DDIAS: variants seen among roughly 807,000 people sequenced by gnomAD.
DDIAS encodes the protein DNA damage-induced apoptosis suppressor protein.
DDIAS carries 14 observed loss-of-function variants against 15.7 expected under a neutral mutation model. The observed-to-expected ratio is 0.89, with a 90% CI of 0.59 to 1.39. The LOEUF is 1.39. Ranked by LOEUF, DDIAS falls within the 40% of genes most tolerant of loss-of-function variation. The pLI, the probability that DDIAS is intolerant of heterozygous loss-of-function variation, is 0.00. For synonymous variants in DDIAS, 355 were observed against 395.9 expected (o/e 0.90, Z 1.23); for missense variants, 1,035 against 1,130.9 (o/e 0.92, Z 1.22).
At position 82,932,953 on chromosome 11, in the gene DDIAS, C is replaced by G. The variant is rs1243922810; in HGVS notation, c.1615C>G (p.Leu539Val). 3 of 1,612,128 alleles carry G rather than the reference C, an allele frequency of 1.9e-6. No individual in the cohort carries two copies. The highest frequency in any genetic ancestry group is 2.5e-6 in the Non-Finnish European group (3 of 1,179,280). The change falls in exon 6 of 6, where the codon CTG (leucine) becomes GTG (valine). Residue 539 changes from leucine (L) to valine (V), a missense_variant. Coordinates refer to ENST00000533655, the MANE Select transcript of DDIAS (RefSeq NM_145018.4). ...MSEYFLPNPYLSALSSSSKDL... is the reference protein window; with the variant it reads ...MSEYFLPNPYVSALSSSSKDL... ...AGAATATTTTTTACCGAATCCTTACCTGTCAGCTCTGTCTTCATCTTCAAA... is the reference window on the plus strand; with the variant it reads ...AGAATATTTTTTACCGAATCCTTACGTGTCAGCTCTGTCTTCATCTTCAAA...
chr11:82,930,411 C>G, intron 5 of DDIAS, 137 bp downstream of exon 5: 5 of 602,954 alleles, frequency 8.3e-6, no homozygotes, highest in Non-Finnish European at 1.1e-5. Context: ...GTAAAAATAG[C>G]CTATAGGTGG....
At chr11:82,928,637 G>C in intron 3 of DDIAS, 140 bp from the exon 4 acceptor site, 3 of 818,642 alleles carry the variant, frequency 3.7e-6, no homozygotes, top group Non-Finnish European at 5.6e-6. Context: ...AAGTTGATCT[G>C]AAAGAGTTTA....
Position 82,914,728 on chromosome 11 carries a change from G to A in DDIAS, c.-11G>A, listed in dbSNP as rs764873036. 1.6e-5 allele frequency: 24 copies of A among 1,521,280 alleles called. No individual in the cohort carries two copies. The highest frequency in any genetic ancestry group is 6.8e-5 in the Admixed American group (4 of 59,236). The allele number at this position is 1,521,280 out of a possible 1,614,324, so 94.2% of individuals were successfully genotyped here. A position where few individuals can be genotyped will look rare whatever the true frequency, so the allele number is the denominator to read the frequency against. On this transcript the variant is annotated 5_prime_UTR_variant, in exon 3 of 6. Transcript: ENST00000533655. The stretch of plus-strand genomic sequence containing the variant: ...ATGGCTATTTTGTTTTGCAGACCAC[G>A]GTGTGAACACATGAACAGAAGACGA...
rs1861010536 is a variant in DDIAS at position 82,932,320 on chromosome 11, A to G, written c.982A>G (p.Ser328Gly). The change falls in exon 6 of 6, where the codon AGT becomes GGT. Residue 328 changes from serine (S) to glycine (G), a missense_variant. Physicochemically the swap from Ser to Gly is moderately conservative, Grantham distance 56. Coordinates refer to ENST00000533655, the MANE Select transcript of DDIAS (RefSeq NM_145018.4). ...QAKELSAVHS[S>G]HHEIGVNDSN... is the part of the protein sequence containing the mutation. ...TAAGGAGCTGAGTGCAGTTCACAGC[A>G]GTCATCATGAAATTGGAGTTAATGA... 1 of 1,614,022 alleles carries G rather than the reference A, an allele frequency of 6.2e-7. No individual in the cohort carries two copies. Among genetic ancestry groups the G allele is most frequent in the Admixed American group, 1.7e-5 (1 of 60,014 alleles).
At chr11:82,910,823 C>A (rs1448366343) in intron 1 of DDIAS, among the ~76,000 whole-genome samples, 2 of 151,666 alleles carry the variant, frequency 1.3e-5, no homozygotes, top group Non-Finnish European at 2.9e-5. Context: ...CACCGTGTTG[C>A]CCAGGCTGAA....
Position 82,934,401 on chromosome 11 carries a change from G to A in DDIAS, c.*66G>A, listed in dbSNP as rs917207279. 6 of 1,442,430 alleles carry A rather than the reference G, an allele frequency of 4.2e-6. No homozygotes were observed. The South Asian group carries it at 4.3e-5, about 10-fold the overall frequency. 89.4% of individuals were successfully genotyped at this position (1,442,430 alleles called of 1,614,324 possible). On this transcript the variant is annotated 3_prime_UTR_variant, in exon 6 of 6. Transcript: ENST00000533655. ...TGGAAATGTTTGCCTTCAGGGGTACGGAAAGCATTCTTTACATTTTGAACA... is the reference window on the plus strand; with the variant it reads ...TGGAAATGTTTGCCTTCAGGGGTACAGAAAGCATTCTTTACATTTTGAACA...
intron 1 of DDIAS, among the ~76,000 whole-genome samples, chr11:82,907,629 T>G (rs1461070450): frequency 6.6e-6 from 1 of 152,178 alleles, no homozygotes; most frequent in African/African-American, 2.4e-5. Context: ...AGCCTCAATC[T>G]CCCAGACTCA....
At chr11:82,902,738 C>CT (rs1860346938) in intron 1 of DDIAS, among the ~76,000 whole-genome samples, 1 of 152,188 alleles carries the variant, frequency 6.6e-6, no homozygotes, top group South Asian at 2.1e-4. Flanking sequence ...TTTGCAAAGC[C>CT]TTTTAAATCA....
chr11:82,919,545 C>T (rs115840396), intron 3 of DDIAS, among the ~76,000 whole-genome samples: 2,874 of 152,238 alleles, frequency 0.019, 86 homozygotes, highest in African/African-American at 0.065. Flanking sequence ...TCAAGGATAT[C>T]GGGCAGTAGT....
chr11:82,907,894 C>T (rs920208245), intron 1 of DDIAS, among the ~76,000 whole-genome samples: 3 of 152,162 alleles, frequency 2.0e-5, no homozygotes, highest in African/African-American at 7.2e-5. Context: ...CTGTTCTAAG[C>T]ACTGGGGTTA....
intron 3 of DDIAS, among the ~76,000 whole-genome samples, chr11:82,919,551 G>A (rs1440931986): frequency 6.6e-6 from 1 of 152,222 alleles, no homozygotes. Context: ...ATATCGGGCA[G>A]TAGTTTTCTT....
chr11:82,932,239 T>C lies in DDIAS; in HGVS notation c.901T>C (p.Tyr301His), dbSNP rs746929635. ...TCAGGATTCATGGAGCCTTGTTTCA[T>C]ATATGGATAAAAAGAGTACAGCAGA... ...PIQDSWSLVS[Y>H]MDKKSTAEKL... The change falls in exon 6 of 6, where the codon TAT becomes CAT. Residue 301 changes from tyrosine to histidine, a missense_variant. By Grantham distance (83) the Tyr-to-His change is moderately conservative. Transcript: ENST00000533655. 1.9e-6 allele frequency: 3 copies of C among 1,613,744 alleles called. No homozygotes were observed. Among genetic ancestry groups the C allele is most frequent in the South Asian group, 2.2e-5 (2 of 91,008 alleles).
At position 82,916,118 on chromosome 11, in the gene DDIAS, C is replaced by T. The variant is rs543776998; in HGVS notation, c.113+1267C>T. On this transcript the variant is annotated intron_variant, in intron 3 of 5. Coordinates refer to ENST00000533655, the MANE Select transcript of DDIAS (RefSeq NM_145018.4). The stretch of plus-strand genomic sequence containing the variant: ...AGAGTTTCATGTAGGCTCTGGCTCT[C>T]ATTAACTATGTGACCTAGGGCAAGA... Among the ~76,000 whole-genome samples, 10 of 152,242 alleles carry T rather than the reference C, an allele frequency of 6.6e-5. No homozygotes were observed. In the South Asian group the frequency reaches 2.1e-3, roughly 32 times the overall value.
chr11:82,914,693 AG>A, intron 2 of DDIAS, 29 bp from the exon 3 acceptor site: 1 of 1,160,482 alleles, frequency 8.6e-7, no homozygotes, highest in South Asian at 1.3e-5. Flanking sequence ...AAGATTTGCC[AG>A]TCATCCCAAT....
chr11:82,932,934 T>C lies in DDIAS; in HGVS notation c.1596T>C (p.Tyr532=), dbSNP rs1296198824. 3 of 1,611,764 alleles carry C rather than the reference T, an allele frequency of 1.9e-6. No individual in the cohort carries two copies. The East Asian group carries it at 6.7e-5, about 36-fold the overall frequency. The change falls in exon 6 of 6, where the codon TAT becomes TAC. Residue 532 remains tyrosine (Y), a synonymous_variant. Coordinates refer to ENST00000533655, the MANE Select transcript of DDIAS (RefSeq NM_145018.4). The part of the protein sequence containing the change: ...VNHNGRDMSE[Y]FLPNPYLSAL... ...ATAATGGAAGAGATATGTCAGAATA[T>C]TTTTTACCGAATCCTTACCTGTCAG... is the stretch of plus-strand genomic sequence containing the variant.
intron 1 of DDIAS, among the ~76,000 whole-genome samples, chr11:82,906,139 A>G (rs2121312448): frequency 6.6e-6 from 1 of 152,266 alleles, no homozygotes; most frequent in East Asian, 1.9e-4. Context: ...GGTGGCAAGT[A>G]TGAAGGAAAT....
intron 3 of DDIAS, among the ~76,000 whole-genome samples, chr11:82,926,463 T>C (rs1860864914): frequency 6.6e-6 from 1 of 152,220 alleles, no homozygotes; most frequent in South Asian, 2.1e-4. Flanking sequence ...TCAATAATTT[T>C]TTAAGAGTAT....
Position 82,934,396 on chromosome 11 carries a change from G to A in DDIAS, c.*61G>A, listed in dbSNP as rs1861077357. ...CTGTTTGGAAATGTTTGCCTTCAGG[G>A]GTACGGAAAGCATTCTTTACATTTT... On this transcript the variant is annotated 3_prime_UTR_variant, in exon 6 of 6. Transcript: ENST00000533655. The A allele has an allele frequency of 5.5e-6, 8 of 1,456,476 alleles. No individual in the cohort carries two copies. The highest frequency in any genetic ancestry group is 4.3e-5 in the African/African-American group (3 of 70,302). The allele number at this position is 1,456,476 out of a possible 1,614,324, so 90.2% of individuals were successfully genotyped here.
intron 3 of DDIAS, among the ~76,000 whole-genome samples, chr11:82,916,753 C>T (rs894833251): frequency 6.6e-6 from 1 of 152,074 alleles, no homozygotes; most frequent in Admixed American, 6.6e-5. Context: ...AATACAATAG[C>T]CCTATGAAGT....
Sources: gnomAD v4.1 joint callset for allele counts (sites outside exome capture counted in the v4.1 genomes callset) on GRCh38, gnomAD v4.1.1 for gene constraint, MANE v1.5 for transcripts, NCBI Gene and HGNC (gene_info 2026-07-23, HGNC 2026-07-21) for gene names.